Variants in PCLO observed in about 807,000 individuals in gnomAD.
PCLO encodes piccolo presynaptic cytomatrix protein.
PCLO carries 82 observed loss-of-function variants against 427.5 expected under a neutral mutation model. That is an observed-to-expected ratio of 0.19 (90% confidence interval 0.16 to 0.23). The LOEUF (loss-of-function observed/expected upper bound fraction) is 0.23. PCLO is among the 10% of genes least tolerant of loss of function. The pLI, the probability that PCLO is intolerant of heterozygous loss-of-function variation, is 1.00. For missense variants in PCLO, 6,239 were observed against 6,115.9 expected (o/e 1.02, Z -0.67); for synonymous variants, 2,357 against 2,155.4 (o/e 1.09, Z -2.59).
chr7:83,025,048 T>C (rs62458586), intron 3 of PCLO, among the ~76,000 whole-genome samples: 22,003 of 151,996 alleles, frequency 0.14, 1,701 homozygotes, highest in Middle Eastern at 0.23. Flanking sequence ...GTAGAGCGCC[T>C]CTCCTCCTCC....
chr7:83,162,230 TAAAATG>T (rs1433391680), intron 1 of PCLO, 109 bp downstream of exon 1: 2 of 1,267,484 alleles, frequency 1.6e-6, no homozygotes, highest in Admixed American at 5.1e-5. Context: ...CTGGGGAGAA[TAAAATG>T]AACGGAGGCG....
chr7:83,056,745 T>C (rs1170469726), intron 3 of PCLO, among the ~76,000 whole-genome samples: 1 of 152,138 alleles, frequency 6.6e-6, no homozygotes, highest in African/African-American at 2.4e-5. Flanking sequence ...AGGAGCTTCA[T>C]TTTACAAAGT....
chr7:82,917,809 C>T (rs999936747), intron 6 of PCLO, among the ~76,000 whole-genome samples: 1 of 151,830 alleles, frequency 6.6e-6, no homozygotes, highest in African/African-American at 2.4e-5. Context: ...CAATTTTCCC[C>T]AGTCACCAAA....
chr7:82,806,698 T>A (rs374712036), intron 20 of PCLO, among the ~76,000 whole-genome samples: 1 of 152,194 alleles, frequency 6.6e-6, no homozygotes, highest in African/African-American at 2.4e-5. Flanking sequence ...GTCACACCGA[T>A]CTGGTTTTGA....
At chr7:82,834,125 T>C (rs900235065) in intron 16 of PCLO, among the ~76,000 whole-genome samples, 1 of 152,166 alleles carries the variant, frequency 6.6e-6, no homozygotes, top group African/African-American at 2.4e-5. Context: ...TAAGACATGG[T>C]ATTATTTATA....
intron 6 of PCLO, among the ~76,000 whole-genome samples, chr7:82,937,255 C>T (rs754103641): frequency 6.6e-6 from 1 of 151,144 alleles, no homozygotes; most frequent in Non-Finnish European, 1.5e-5. Flanking sequence ...AATGCTTTTA[C>T]TTTTGAAACC....
At chr7:82,892,447 C>A (rs534719808) in intron 9 of PCLO, among the ~76,000 whole-genome samples, 20 of 152,126 alleles carry the variant, frequency 1.3e-4, no homozygotes, top group African/African-American at 3.4e-4. Context: ...TAAAGACGTG[C>A]ATGTTAGACC....
rs115407291 is a variant in PCLO at position 83,056,017 on chromosome 7, T to C, written c.3300+78233A>G. 4.7e-3 allele frequency among the ~76,000 whole-genome samples: 718 copies of C among 152,278 alleles called. 5 individuals are homozygous for C. Among genetic ancestry groups the C allele is most frequent in the African/African-American group, 0.017 (694 of 41,564 alleles). On this transcript the variant is annotated intron_variant, in intron 3 of 24. Coordinates refer to ENST00000333891, the MANE Select transcript of PCLO (RefSeq NM_033026.6). ...GTGCAACCTAATTTTTTATTTATTATTGATACATGTTAATTGTACATTTTT... is the reference window on the plus strand; with the variant it reads ...GTGCAACCTAATTTTTTATTTATTACTGATACATGTTAATTGTACATTTTT...
Position 83,038,119 on chromosome 7 carries a change from G to A in PCLO, c.3301-71632C>T, listed in dbSNP as rs1788875648. On this transcript the variant is annotated intron_variant, in intron 3 of 24. Coordinates refer to ENST00000333891, the MANE Select transcript of PCLO (RefSeq NM_033026.6). ...TATATATTTATATATGTATATATAT[G>A]CACACACACACATACACACACTCAT... Among the ~76,000 whole-genome samples the A allele has an allele frequency of 4.8e-5, 4 of 83,504 alleles. 1 individual carries two copies. The highest frequency in any genetic ancestry group is 1.0e-4 in the Non-Finnish European group (4 of 40,032). 54.8% of individuals were successfully genotyped at this position (83,504 alleles called of 152,430 possible).
chr7:82,789,297 G>T (rs1322866145), intron 22 of PCLO, among the ~76,000 whole-genome samples: 1 of 152,170 alleles, frequency 6.6e-6, no homozygotes. Context: ...GAATCAATTA[G>T]ATTGATTCAA....
chr7:83,090,058 A>C (rs1790338751), intron 3 of PCLO, among the ~76,000 whole-genome samples: 1 of 152,156 alleles, frequency 6.6e-6, no homozygotes, highest in East Asian at 1.9e-4. Context: ...TAATTCCAGC[A>C]CTTTGGGAGG....
chr7:83,109,951 G>A (rs1303388752), intron 3 of PCLO, among the ~76,000 whole-genome samples: 2 of 151,730 alleles, frequency 1.3e-5, no homozygotes, highest in African/African-American at 4.8e-5. Context: ...GTCTGGGTTA[G>A]CATTTTGATT....
intron 3 of PCLO, among the ~76,000 whole-genome samples, chr7:82,996,719 AAAC>A (rs1562906761): frequency 6.6e-6 from 1 of 151,894 alleles, no homozygotes; most frequent in Non-Finnish European, 1.5e-5. Context: ...CCCATCCTTC[AAAC>A]AACAGGTTTT....
intron 16 of PCLO, among the ~76,000 whole-genome samples, chr7:82,833,937 A>C (rs1174889986): frequency 6.6e-6 from 1 of 152,138 alleles, no homozygotes; most frequent in Non-Finnish European, 1.5e-5. Flanking sequence ...TGACAGGGCT[A>C]AAATTCAAAC....
At chr7:82,779,859 A>G (rs529655946) in intron 22 of PCLO, among the ~76,000 whole-genome samples, 1 of 151,270 alleles carries the variant, frequency 6.6e-6, no homozygotes, top group East Asian at 2.0e-4. Context: ...GATGCCTGCT[A>G]CATACCCAGG....
chr7:82,953,128 G>C lies in PCLO; in HGVS notation c.7825C>G (p.Pro2609Ala). The stretch of plus-strand genomic sequence containing the variant: ...TCAACAGAAACCAGATCTTTGGAGG[G>C]TGATCCCAAGGGCCAACTGGTAATT... ...QAITSWPLGSPSKDLVSVEPV... is the reference protein window; with the variant it reads ...QAITSWPLGSASKDLVSVEPV... The change falls in exon 5 of 25, where the codon CCC becomes GCC. Residue 2609 changes from proline (P) to alanine (A), a missense_variant. By Grantham distance (27) the Pro-to-Ala change is conservative. Around this residue, in one of 5 missense-constraint regions of PCLO, gnomAD observed 4,677 missense variants for 4,468.4 expected, o/e 1.05. Transcript: ENST00000333891. 6.2e-7 allele frequency: 1 copy of C among 1,613,956 alleles called. No individual in the cohort carries two copies. The highest frequency in any genetic ancestry group is 8.5e-7 in the Non-Finnish European group (1 of 1,179,860).
At chr7:83,099,797 A>G (rs1790691176) in intron 3 of PCLO, among the ~76,000 whole-genome samples, 1 of 151,682 alleles carries the variant, frequency 6.6e-6, no homozygotes, top group Non-Finnish European at 1.5e-5. Context: ...CATCTAGAAC[A>G]TGATACATAC....
intron 10 of PCLO, chr7:82,848,942 G>T: frequency 2.6e-6 from 1 of 384,110 alleles, no homozygotes; most frequent in South Asian, 2.0e-5. Context: ...TATAAAATGA[G>T]AAAATTATGT....
chr7:82,958,152 C>T (rs1292723961), intron 4 of PCLO, among the ~76,000 whole-genome samples: 3 of 152,254 alleles, frequency 2.0e-5, no homozygotes, highest in Admixed American at 6.5e-5. Flanking sequence ...GCCTGTGAGG[C>T]CACCTTAATT....
Sources: allele counts gnomAD v4.1 joint callset (sites outside exome capture counted in the v4.1 genomes callset), GRCh38; gene constraint gnomAD v4.1.1; regional missense constraint gnomAD v4.1.1; transcripts MANE v1.5; gene names NCBI Gene and HGNC (gene_info 2026-07-23, HGNC 2026-07-21).